STPG2: variants seen among roughly 807,000 people sequenced by gnomAD.
The protein encoded by STPG2 is sperm tail PG-rich repeat containing 2.
A neutral mutation model predicts 54.2 loss-of-function variants in STPG2; 56 were observed. That is an observed-to-expected ratio of 1.03 (90% CI 0.83 to 1.29). The LOEUF is 1.29. STPG2 is among the 50% of genes most tolerant of loss of function. The probability of loss-of-function intolerance (pLI) is 0.00; values close to 1 mark genes in which losing one functional copy is unlikely to be tolerated. For synonymous variants in STPG2, 200 were observed against 181.8 expected, an observed-to-expected ratio of 1.10 and a Z score of -0.81; for missense variants, 596 against 544.9, an observed-to-expected ratio of 1.09 and a Z score of -0.93.
intron 8 of STPG2, among the ~76,000 whole-genome samples, chr4:97,876,370 T>C (rs776685806): frequency 9.9e-5 from 15 of 152,066 alleles, no homozygotes; most frequent in Non-Finnish European, 1.6e-4. Flanking sequence ...AATGTGCAAA[T>C]TCAGATTTTA....
chr4:97,670,508 A>G (rs142179836), intron 10 of STPG2, among the ~76,000 whole-genome samples: 1 of 152,316 alleles, frequency 6.6e-6, no homozygotes. Context: ...CTTAATCTCA[A>G]TAGTGCAACT....
intron 4 of STPG2, among the ~76,000 whole-genome samples, chr4:97,478,987 C>A (rs542492335): frequency 3.3e-5 from 5 of 150,884 alleles, no homozygotes; most frequent in Non-Finnish European, 7.4e-5. Context: ...ATTGTTCATC[C>A]TCATTAATAA....
intron 8 of STPG2, among the ~76,000 whole-genome samples, chr4:97,863,490 T>C (rs984019875): frequency 3.3e-5 from 5 of 152,248 alleles, no homozygotes; most frequent in South Asian, 4.1e-4. Flanking sequence ...CAGGACCAGA[T>C]GGATTCATAG....
At chr4:97,954,086 A>C (rs965741385) in intron 7 of STPG2, among the ~76,000 whole-genome samples, 2 of 152,248 alleles carry the variant, frequency 1.3e-5, no homozygotes, top group African/African-American at 4.8e-5. Flanking sequence ...AAAGTTACCA[A>C]CTTTGAATGA....
chr4:97,998,997 TC>T (rs1735330190), intron 5 of STPG2, among the ~76,000 whole-genome samples: 1 of 142,472 alleles, frequency 7.0e-6, no homozygotes, highest in African/African-American at 2.6e-5. Context: ...ACTTTAATGC[TC>T]TTTCTATTTG....
intron 5 of STPG2, among the ~76,000 whole-genome samples, chr4:98,105,629 C>G (rs1739166666): frequency 6.6e-6 from 1 of 152,006 alleles, no homozygotes; most frequent in African/African-American, 2.4e-5. Context: ...AAAAAACCAG[C>G]AGTAAATGGT....
At chr4:97,886,130 A>G (rs1163942066) in intron 8 of STPG2, among the ~76,000 whole-genome samples, 1 of 152,186 alleles carries the variant, frequency 6.6e-6, no homozygotes, top group Non-Finnish European at 1.5e-5. Flanking sequence ...TGAGGAAAAA[A>G]ATTTATAGCT....
At chr4:97,819,967 G>GT (rs1475342529) in intron 9 of STPG2, among the ~76,000 whole-genome samples, 1 of 151,586 alleles carries the variant, frequency 6.6e-6, no homozygotes, top group East Asian at 1.9e-4. Context: ...TTGGTTTTTT[G>GT]TTTTTTGTTT....
chr4:97,763,254 T>A (rs1490874583), intron 9 of STPG2, among the ~76,000 whole-genome samples: 1 of 152,172 alleles, frequency 6.6e-6, no homozygotes, highest in East Asian at 1.9e-4. Flanking sequence ...GTCTATATAG[T>A]GTTAGTTACT....
intron 5 of STPG2, among the ~76,000 whole-genome samples, chr4:98,010,341 T>G (rs779010606): frequency 2.4e-4 from 36 of 152,204 alleles, no homozygotes; most frequent in Non-Finnish European, 4.3e-4. Context: ...TCTTAATTTC[T>G]TCATTGACCT....
At chr4:97,693,793 A>G (rs1442635664) in intron 10 of STPG2, among the ~76,000 whole-genome samples, 1 of 152,216 alleles carries the variant, frequency 6.6e-6, no homozygotes, top group Non-Finnish European at 1.5e-5. Flanking sequence ...AAAATTCAAG[A>G]AAATCAAATT....
intron 5 of STPG2, among the ~76,000 whole-genome samples, chr4:98,035,876 C>T (rs937342630): frequency 1.1e-4 from 17 of 151,792 alleles, no homozygotes; most frequent in African/African-American, 4.1e-4. Flanking sequence ...TGTTCTCACT[C>T]AGAAGTGGGA....
intron 7 of STPG2, among the ~76,000 whole-genome samples, chr4:97,966,976 A>G (rs1734124955): frequency 6.6e-6 from 1 of 152,148 alleles, no homozygotes; most frequent in African/African-American, 2.4e-5. Context: ...ACCAGCTAAC[A>G]TCATAATGAC....
In STPG2 at chr4:97,677,894, CT is replaced by C. The variant is rs969933811; in HGVS notation, c.1320+34804del. Among the ~76,000 whole-genome samples, 34 of 152,144 alleles carry C rather than the reference CT, an allele frequency of 2.2e-4. 1 individual carries two copies. Among genetic ancestry groups the C allele is most frequent in the Non-Finnish European group, 1.5e-5 (1 of 68,036 alleles). On this transcript the variant is annotated intron_variant, in intron 10 of 10. Transcript: ENST00000295268. ...GATTTTATATGCAACTGAGCCTACT[CT>C]TATCCAGCATAGGTATTTTCAAGAT... is the stretch of plus-strand genomic sequence containing the variant.
intron 8 of STPG2, among the ~76,000 whole-genome samples, chr4:97,915,540 G>C (rs1013156738): frequency 6.6e-6 from 1 of 152,126 alleles, no homozygotes; most frequent in Non-Finnish European, 1.5e-5. Flanking sequence ...GAAGCTCCAG[G>C]AAGGTAGAAG....
intron 8 of STPG2, among the ~76,000 whole-genome samples, chr4:97,845,118 GA>G (rs1009618664): frequency 1.5e-4 from 22 of 149,132 alleles, no homozygotes; most frequent in Admixed American, 4.7e-4. Flanking sequence ...TTAATTCTTT[GA>G]AAAAAAATTA....
At chr4:98,131,173 G>A (rs1048283246) in intron 2 of STPG2, among the ~76,000 whole-genome samples, 16 of 151,624 alleles carry the variant, frequency 1.1e-4, no homozygotes, top group Admixed American at 3.9e-4. Flanking sequence ...TTAACTACTC[G>A]GTGAATCCTT....
At chr4:97,938,077 C>T (rs562876605) in intron 8 of STPG2, among the ~76,000 whole-genome samples, 47 of 152,242 alleles carry the variant, frequency 3.1e-4, no homozygotes, top group African/African-American at 1.1e-3. Flanking sequence ...TCCCTAAGCC[C>T]CCGGCTGGAG....
chr4:97,618,440 T>A (rs928899046), intron 10 of STPG2, among the ~76,000 whole-genome samples: 1 of 151,994 alleles, frequency 6.6e-6, no homozygotes, highest in Non-Finnish European at 1.5e-5. Flanking sequence ...TAAAAAAAAA[T>A]GTTTTAAGCC....
Sources: gnomAD v4.1 joint callset for allele counts (sites outside exome capture counted in the v4.1 genomes callset) on GRCh38, gnomAD v4.1.1 for gene constraint, MANE v1.5 for transcripts, NCBI Gene and HGNC (gene_info 2026-07-23, HGNC 2026-07-21) for gene names.